Variants in PDRG1 observed in about 807,000 individuals in gnomAD.
PDRG1 encodes the protein p53 and DNA damage-regulated protein 1.
In PDRG1, 14 loss-of-function variants were observed where a neutral mutation model predicts 18.4. The observed-to-expected ratio is 0.76, with a 90% CI of 0.50 to 1.19. PDRG1 has a LOEUF of 1.19. PDRG1 is among the 50% of genes most tolerant of loss of function. The pLI is 0.00. For synonymous variants in PDRG1, 65 were observed against 60.9 expected (o/e 1.07, Z -0.31); for missense variants, 177 against 160.1 (o/e 1.11, Z -0.57).
chr20:31,950,401 G>A lies in PDRG1; in HGVS notation c.88-14C>T, dbSNP rs1691490896. The A allele has an allele frequency of 6.3e-7, 1 of 1,596,482 alleles. No homozygotes were observed. Among genetic ancestry groups the A allele is most frequent in the Non-Finnish European group, 8.6e-7 (1 of 1,163,986 alleles). ...CAGGTCCACAATCTGAAAACCACAG[G>A]GACAGGAGGGAACTCAGCTATCTCT... On this transcript the variant is annotated splice_polypyrimidine_tract_variant and intron_variant, in intron 1 of 4. Coordinates refer to ENST00000202017, the MANE Select transcript of PDRG1 (RefSeq NM_030815.3).
At position 31,951,930 on chromosome 20, in the gene PDRG1, C is replaced by T. The variant is rs755286962; in HGVS notation, c.32G>A (p.Arg11Gln). 60 of 1,591,270 alleles carry T rather than the reference C, an allele frequency of 3.8e-5. No individual in the cohort carries two copies. The highest frequency in any genetic ancestry group is 4.1e-5 in the African/African-American group (3 of 73,688). ...GAGCTCCTCCACTTCTACAAGGTAC[C>T]GCAGCACTCGCTCTGCCTCGGGTGA... is the stretch of plus-strand genomic sequence containing the variant. Reference protein sequence around the residue: MLSPEAERVLRYLVEVEELAE... With the variant: MLSPEAERVLQYLVEVEELAE... Residue 11 changes from arginine (R) to glutamine (Q), a missense_variant, in exon 1 of 5, where the codon CGG (arginine) becomes CAG (glutamine). Transcript: ENST00000202017.
rs1253144094 is a variant in PDRG1, at chr20:31,945,588, C to T, written c.*219G>A. 1 of 481,530 alleles carries T rather than the reference C, an allele frequency of 2.1e-6. No individual in the cohort carries two copies. The highest frequency in any genetic ancestry group is 2.0e-5 in the African/African-American group (1 of 50,316). 29.8% of individuals were successfully genotyped at this position (481,530 alleles called of 1,614,324 possible). A position where few individuals can be genotyped will look rare whatever the true frequency, so the allele number is the denominator to read the frequency against. ...AAGGCCCGTCAATAGATCTTGTGTCCACCGAGCCCTGGTGTCCAGGTCCAG... is the reference window on the plus strand; with the variant it reads ...AAGGCCCGTCAATAGATCTTGTGTCTACCGAGCCCTGGTGTCCAGGTCCAG... On this transcript the variant is annotated 3_prime_UTR_variant, in exon 5 of 5. Transcript: ENST00000202017.
Position 31,945,383 on chromosome 20 carries a change from C to A in PDRG1, c.*424G>T, listed in dbSNP as rs2064306539. 1 of 157,858 alleles carries A rather than the reference C, an allele frequency of 6.3e-6. No homozygotes were observed. Among genetic ancestry groups the A allele is most frequent in the African/African-American group, 2.4e-5 (1 of 41,590 alleles). The allele number at this position is 157,858 out of a possible 1,614,324, so 9.8% of individuals were successfully genotyped here. ...CCTGCTTTATTCCAATCGCATGGCA[C>A]CAGCCTGAAAACCTCTCTCCCTTCT... is the stretch of plus-strand genomic sequence containing the variant. On this transcript the variant is annotated 3_prime_UTR_variant, in exon 5 of 5. Coordinates refer to ENST00000202017, the MANE Select transcript of PDRG1 (RefSeq NM_030815.3).
At position 31,946,578 on chromosome 20, in the gene PDRG1, T is replaced by G. The variant is rs1315273751; in HGVS notation, c.239-2A>C. On this transcript the variant is annotated splice_acceptor_variant, in intron 3 of 4. Transcript: ENST00000202017. LOFTEE classifies it high-confidence loss of function. ...TTTCTTTATCCAGATGATCTTGATC[T>G]GAAAAAATGAGGGGGGCAAGCAGAG... 6.2e-7 allele frequency: 1 copy of G among 1,609,562 alleles called. No homozygotes were observed. Among genetic ancestry groups the G allele is most frequent in the East Asian group, 2.2e-5 (1 of 44,864 alleles).
At position 31,945,797 on chromosome 20, in the gene PDRG1, T is replaced by C; in HGVS notation, c.*10A>G. On this transcript the variant is annotated 3_prime_UTR_variant, in exon 5 of 5. Transcript: ENST00000202017. ...GGGGGTTGCTGGTCCCCCATCTTGGTTCTTGAGTCTCATCCTTTCAAGATG... is the reference window on the plus strand; with the variant it reads ...GGGGGTTGCTGGTCCCCCATCTTGGCTCTTGAGTCTCATCCTTTCAAGATG... 6.2e-7 allele frequency: 1 copy of C among 1,611,238 alleles called. No homozygotes were observed. Among genetic ancestry groups the C allele is most frequent in the Non-Finnish European group, 8.5e-7 (1 of 1,177,572 alleles).
intron 4 of PDRG1, 55 bp downstream of exon 4, chr20:31,946,441 G>A: frequency 2.7e-6 from 4 of 1,491,330 alleles, no homozygotes; most frequent in East Asian, 2.3e-5. Flanking sequence ...GCCCTTCAAA[G>A]TCCATGCTGA....
chr20:31,947,143 G>A (rs1388763352), intron 3 of PDRG1, among the ~76,000 whole-genome samples: 1 of 152,236 alleles, frequency 6.6e-6, no homozygotes, highest in South Asian at 2.1e-4. Flanking sequence ...AAGAGTTGGT[G>A]TGATGACAGA....
chr20:31,948,545 C>T (rs1244458473), intron 3 of PDRG1, among the ~76,000 whole-genome samples: 1 of 152,216 alleles, frequency 6.6e-6, no homozygotes, highest in Non-Finnish European at 1.5e-5. Flanking sequence ...CCAACTGATT[C>T]CTCACTAATA....
At chr20:31,947,628 G>A (rs891242505) in intron 3 of PDRG1, among the ~76,000 whole-genome samples, 30 of 152,320 alleles carry the variant, frequency 2.0e-4, no homozygotes, top group African/African-American at 6.0e-4. Flanking sequence ...AGTGGCTCAC[G>A]CCTGTAATCC....
intron 3 of PDRG1, among the ~76,000 whole-genome samples, chr20:31,947,084 G>C (rs2064324217): frequency 6.6e-6 from 1 of 152,196 alleles, no homozygotes; most frequent in Non-Finnish European, 1.5e-5. Flanking sequence ...AACTTAATTA[G>C]CCACTGTGAA....
In PDRG1 at chr20:31,952,035, C is replaced by T. The variant is rs2064356937; in HGVS notation, c.-74G>A. On this transcript the variant is annotated 5_prime_UTR_variant, in exon 1 of 5. Transcript: ENST00000202017. ...GCTTCGACTCCCGCTGCGCACGCGCCGCTCTCTAGGTGCTTCCGGCGCGCC... is the reference window on the plus strand; with the variant it reads ...GCTTCGACTCCCGCTGCGCACGCGCTGCTCTCTAGGTGCTTCCGGCGCGCC... 14 of 1,481,714 alleles carry T rather than the reference C, an allele frequency of 9.4e-6. No individual in the cohort carries two copies. The highest frequency in any genetic ancestry group is 1.3e-5 in the Non-Finnish European group (14 of 1,117,180). The allele number at this position is 1,481,714 out of a possible 1,614,324, so 91.8% of individuals were successfully genotyped here. A position where few individuals can be genotyped will look rare whatever the true frequency, so the allele number is the denominator to read the frequency against.
intron 3 of PDRG1, 107 bp from the exon 4 acceptor site, chr20:31,946,683 A>G (rs2064321445): frequency 1.0e-6 from 1 of 1,003,216 alleles, no homozygotes; most frequent in African/African-American, 1.6e-5. Context: ...AGCTTTCAGG[A>G]AGGAAAAGGG....
intron 2 of PDRG1, among the ~76,000 whole-genome samples, chr20:31,949,852 T>C (rs989204155): frequency 5.3e-5 from 8 of 152,152 alleles, no homozygotes; most frequent in Non-Finnish European, 8.8e-5. Flanking sequence ...TCTCCAGCCA[T>C]ACTTACTCCC....
intron 1 of PDRG1, among the ~76,000 whole-genome samples, chr20:31,950,908 A>G (rs1456037107): frequency 1.3e-5 from 2 of 152,186 alleles, no homozygotes; most frequent in Non-Finnish European, 2.9e-5. Flanking sequence ...TGGAATACCC[A>G]GGTTCGAATC....
At position 31,950,357 on chromosome 20, in the gene PDRG1, T is replaced by G. The variant is rs1295415444; in HGVS notation, c.118A>C (p.Asn40His). The change falls in exon 2 of 5, where the codon AAT (asparagine) becomes CAT (histidine). Residue 40 changes from asparagine (N) to histidine (H), a missense_variant. By Grantham distance (68) the Asn-to-His change is moderately conservative. Coordinates refer to ENST00000202017, the MANE Select transcript of PDRG1 (RefSeq NM_030815.3). ...IVDLDTKRNQ[N>H]REGLRALQKD... Reference sequence around the variant, plus strand: ...TGCAGGGCCCTCAGGCCCTCTCGATTCTGATTCCTTTTAGTGTCCAGGTCC... The same window carrying G: ...TGCAGGGCCCTCAGGCCCTCTCGATGCTGATTCCTTTTAGTGTCCAGGTCC... The G allele has an allele frequency of 6.2e-7, 1 of 1,613,236 alleles. No homozygotes were observed. Among genetic ancestry groups the G allele is most frequent in the Non-Finnish European group, 8.5e-7 (1 of 1,179,140 alleles).
At position 31,951,977 on chromosome 20, in the gene PDRG1, C is replaced by G. The variant is rs997805691; in HGVS notation, c.-16G>C. The G allele has an allele frequency of 6.5e-7, 1 of 1,542,468 alleles. No individual in the cohort carries two copies. Among genetic ancestry groups the G allele is most frequent in the Non-Finnish European group, 8.7e-7 (1 of 1,146,940 alleles). ...GTGATAGCATAGCGCCCACCAACTCCGCTTGCGGCTCTCGCGCGACCCCGG... is the reference window on the plus strand; with the variant it reads ...GTGATAGCATAGCGCCCACCAACTCGGCTTGCGGCTCTCGCGCGACCCCGG... On this transcript the variant is annotated 5_prime_UTR_variant, in exon 1 of 5. Transcript: ENST00000202017.
Position 31,945,686 on chromosome 20 carries a change from A to G in PDRG1, c.*121T>C, listed in dbSNP as rs1454215428. On this transcript the variant is annotated 3_prime_UTR_variant, in exon 5 of 5. Coordinates refer to ENST00000202017, the MANE Select transcript of PDRG1 (RefSeq NM_030815.3). The stretch of plus-strand genomic sequence containing the variant: ...GCACTACAAAGAGGTTTTCATGGCC[A>G]GATTCCTGACGGCTGGCCCCTTACA... 6.8e-6 allele frequency: 5 copies of G among 735,390 alleles called. No homozygotes were observed. The highest frequency in any genetic ancestry group is 1.8e-5 in the African/African-American group (1 of 55,942). 45.6% of individuals were successfully genotyped at this position (735,390 alleles called of 1,614,324 possible).
In PDRG1 at chr20:31,945,900, A is replaced by T. The variant is rs199739933; in HGVS notation, c.320-11T>A. The T allele has an allele frequency of 1.7e-4, 267 of 1,610,896 alleles. No homozygotes were observed. Among genetic ancestry groups the T allele is most frequent in the Non-Finnish European group, 2.1e-4 (248 of 1,178,022 alleles). On this transcript the variant is annotated splice_polypyrimidine_tract_variant and intron_variant, in intron 4 of 4. Transcript: ENST00000202017. ...TCAGCTCCGGTTTGCCTAGGAGAGA[A>T]GATGATCCATCAGCACGTCGGGCCT... is the stretch of plus-strand genomic sequence containing the variant.
intron 1 of PDRG1, among the ~76,000 whole-genome samples, chr20:31,951,595 C>G (rs375912688): frequency 1.4e-5 from 2 of 145,566 alleles, no homozygotes; most frequent in African/African-American, 2.7e-5. Context: ...CTAGATCAAC[C>G]ATGGGGCCGG....
Sources: allele counts gnomAD v4.1 joint callset (sites outside exome capture counted in the v4.1 genomes callset), GRCh38; gene constraint gnomAD v4.1.1; transcripts MANE v1.5; gene names NCBI Gene and HGNC (gene_info 2026-07-23, HGNC 2026-07-21).